Variants in GRM7 observed in about 807,000 individuals in gnomAD.
The protein encoded by GRM7 is metabotropic glutamate receptor 7.
Under a neutral mutation model 84.5 loss-of-function variants are expected in GRM7, and 35 were observed. That is an observed-to-expected ratio of 0.41 (90% CI 0.32 to 0.55). The LOEUF (loss-of-function observed/expected upper bound fraction) is 0.55, where lower values mean the gene tolerates loss of function less well. Ranked by LOEUF, GRM7 falls within the 20% of genes least tolerant of loss-of-function variation. The pLI is 0.19. For synonymous variants in GRM7, 487 were observed against 455.1 expected, an observed-to-expected ratio of 1.07 and a Z score of -0.89; for missense variants, 1,003 against 1,194.6, an observed-to-expected ratio of 0.84 and a Z score of 2.36.
chr3:6,972,371 C>T (rs888309022), intron 1 of GRM7, among the ~76,000 whole-genome samples: 4 of 152,092 alleles, frequency 2.6e-5, no homozygotes, highest in East Asian at 1.9e-4. Context: ...CGTGTTTCTT[C>T]GTCTTCTGAT....
intron 7 of GRM7, among the ~76,000 whole-genome samples, chr3:7,541,111 C>T (rs1441589436): frequency 1.3e-5 from 2 of 152,106 alleles, no homozygotes. Flanking sequence ...TGGCAATATT[C>T]AGGTTCTTAA....
intron 4 of GRM7, among the ~76,000 whole-genome samples, chr3:7,335,424 A>T (rs568033768): frequency 2.0e-5 from 3 of 152,102 alleles, no homozygotes; most frequent in Non-Finnish European, 4.4e-5. Context: ...ATAATAAGAA[A>T]GTTTATAGCA....
intron 4 of GRM7, among the ~76,000 whole-genome samples, chr3:7,351,974 G>A (rs1315898998): frequency 1.3e-5 from 2 of 151,172 alleles, no homozygotes; most frequent in South Asian, 2.1e-4. Context: ...TTGCTTTTGC[G>A]ATTATGTGAG....
chr3:7,325,967 G>C (rs1162596944), intron 4 of GRM7, among the ~76,000 whole-genome samples: 1 of 152,016 alleles, frequency 6.6e-6, no homozygotes, highest in Non-Finnish European at 1.5e-5. Flanking sequence ...TCATCGTAAT[G>C]AGTAACTACT....
intron 1 of GRM7, among the ~76,000 whole-genome samples, chr3:7,132,578 C>A (rs1361275367): frequency 1.3e-5 from 2 of 151,982 alleles, no homozygotes; most frequent in African/African-American, 4.8e-5. Flanking sequence ...GACTATGAGG[C>A]ATATCAAAGG....
At chr3:7,324,773 G>A (rs1700920086) in intron 4 of GRM7, among the ~76,000 whole-genome samples, 1 of 151,828 alleles carries the variant, frequency 6.6e-6, no homozygotes, top group East Asian at 1.9e-4. Context: ...TGCATAGAGG[G>A]GCCCTCAGAA....
At chr3:6,865,061 G>A (rs1443749878) in intron 1 of GRM7, among the ~76,000 whole-genome samples, 4 of 152,194 alleles carry the variant, frequency 2.6e-5, no homozygotes, top group Non-Finnish European at 5.9e-5. Context: ...TGAGGCTAAT[G>A]AAATTAGTGT....
chr3:7,655,855 A>G (rs954857893), intron 8 of GRM7, among the ~76,000 whole-genome samples: 1 of 152,198 alleles, frequency 6.6e-6, no homozygotes, highest in Non-Finnish European at 1.5e-5. Flanking sequence ...GGACGTGTGG[A>G]AAAACCCAAA....
At chr3:7,187,761 G>A (rs956952533) in intron 2 of GRM7, among the ~76,000 whole-genome samples, 3 of 152,170 alleles carry the variant, frequency 2.0e-5, no homozygotes, top group Non-Finnish European at 2.9e-5. Context: ...ATGGAAAAGG[G>A]CAGTAACTCC....
intron 8 of GRM7, among the ~76,000 whole-genome samples, chr3:7,644,835 T>C (rs1698544769): frequency 6.6e-6 from 1 of 152,144 alleles, no homozygotes; most frequent in Non-Finnish European, 1.5e-5. Context: ...ACAGTCTATA[T>C]AAATTCTGCA....
intron 2 of GRM7, among the ~76,000 whole-genome samples, chr3:7,186,262 T>A (rs1695510734): frequency 6.6e-6 from 1 of 152,234 alleles, no homozygotes; most frequent in Non-Finnish European, 1.5e-5. Context: ...TGTAACCCTG[T>A]ATCAACATAA....
At chr3:6,946,859 T>C (rs1698100300) in intron 1 of GRM7, among the ~76,000 whole-genome samples, 1 of 152,210 alleles carries the variant, frequency 6.6e-6, no homozygotes, top group African/African-American at 2.4e-5. Context: ...TGTTTGTCTG[T>C]TATTGCTGTA....
chr3:7,376,910 T>G (rs1311690568), intron 4 of GRM7, among the ~76,000 whole-genome samples: 1 of 152,164 alleles, frequency 6.6e-6, no homozygotes, highest in Non-Finnish European at 1.5e-5. Flanking sequence ...TACCAGTGCA[T>G]CTACAGTAGT....
At chr3:7,109,482 T>C (rs1232583288) in intron 1 of GRM7, among the ~76,000 whole-genome samples, 1 of 152,140 alleles carries the variant, frequency 6.6e-6, no homozygotes, top group East Asian at 1.9e-4. Context: ...TTTTTACCCT[T>C]TGCTATTTTG....
At chr3:7,694,495 C>A (rs1700940894) in intron 9 of GRM7, 1 of 333,114 alleles carries the variant, frequency 3.0e-6, no homozygotes, top group Non-Finnish European at 4.3e-6. Flanking sequence ...TTTGGAACAA[C>A]CTGCAGGATT....
rs535896438 is a variant in GRM7, at chr3:7,322,015, G to A, written c.1033+15363G>A. Among the ~76,000 whole-genome samples the A allele has an allele frequency of 6.5e-4, 99 of 152,114 alleles. 2 individuals are homozygous for A. Among genetic ancestry groups the A allele is most frequent in the Non-Finnish European group, 9.6e-4 (65 of 67,968 alleles). On this transcript the variant is annotated intron_variant, in intron 4 of 9. Coordinates refer to ENST00000357716, the MANE Select transcript of GRM7 (RefSeq NM_000844.4). ...AAAACCCCAGAATATTATGAACATC[G>A]TCAATGGTAAAATAAAAACAGGATT...
At chr3:6,990,504 T>C (rs1694593986) in intron 1 of GRM7, among the ~76,000 whole-genome samples, 1 of 152,208 alleles carries the variant, frequency 6.6e-6, no homozygotes, top group South Asian at 2.1e-4. Flanking sequence ...CCAGGCTTTT[T>C]AGTTATTACT....
intron 1 of GRM7, among the ~76,000 whole-genome samples, chr3:6,924,539 T>G (rs1340017495): frequency 6.6e-6 from 1 of 152,156 alleles, no homozygotes; most frequent in African/African-American, 2.4e-5. Context: ...GGTTCCTATA[T>G]GCAGTGAAGA....
intron 2 of GRM7, among the ~76,000 whole-genome samples, chr3:7,248,274 CT>C (rs1249224291): frequency 6.6e-6 from 1 of 152,138 alleles, no homozygotes; most frequent in Non-Finnish European, 1.5e-5. Flanking sequence ...CAAGGGAATA[CT>C]ACTCAACAGT....
Sources: gnomAD v4.1 joint callset for allele counts (sites outside exome capture counted in the v4.1 genomes callset) on GRCh38, gnomAD v4.1.1 for gene constraint, MANE v1.5 for transcripts, NCBI Gene and HGNC (gene_info 2026-07-23, HGNC 2026-07-21) for gene names.